The following BTC variants were observed in gnomAD, a reference collection of about 807,000 sequenced individuals.
The protein encoded by BTC is betacellulin, also known as probetacellulin.
BTC carries 13 observed loss-of-function variants against 18.1 expected under a neutral mutation model. The observed-to-expected ratio is 0.72, with a 90% CI of 0.47 to 1.14. The LOEUF is 1.14. Ranked by LOEUF, BTC falls within the 50% of genes most tolerant of loss-of-function variation. The pLI is 0.00. For missense variants in BTC, 247 were observed against 224.2 expected, an observed-to-expected ratio of 1.10 and a Z score of -0.65; for synonymous variants, 83 against 79.4, an observed-to-expected ratio of 1.05 and a Z score of -0.24.
At chr4:74,770,026 C>T (rs757670758) in intron 2 of BTC, 32 bp downstream of exon 2, 1 of 1,538,012 alleles carries the variant, frequency 6.5e-7, no homozygotes, top group Non-Finnish European at 8.9e-7. Context: ...AATTAAAACT[C>T]AGATTTGAAT....
intron 1 of BTC, among the ~76,000 whole-genome samples, chr4:74,779,616 G>A (rs532288220): frequency 1.3e-5 from 2 of 152,228 alleles, no homozygotes; most frequent in African/African-American, 2.4e-5. Context: ...TTTCAAGGAG[G>A]ATTATCCAAG....
intron 1 of BTC, among the ~76,000 whole-genome samples, chr4:74,784,607 C>G (rs1270395864): frequency 1.3e-5 from 2 of 152,092 alleles, no homozygotes; most frequent in Non-Finnish European, 2.9e-5. Context: ...CTTTCAATAC[C>G]TAGTTTATTG....
At chr4:74,776,205 A>G (rs1046682904) in intron 1 of BTC, among the ~76,000 whole-genome samples, 1 of 151,586 alleles carries the variant, frequency 6.6e-6, no homozygotes, top group African/African-American at 2.4e-5. Flanking sequence ...TAGTTTTTAC[A>G]CTTTTTCCTT....
chr4:74,764,191 A>G (rs1724838250), intron 2 of BTC, among the ~76,000 whole-genome samples: 1 of 152,136 alleles, frequency 6.6e-6, no homozygotes, highest in Non-Finnish European at 1.5e-5. Flanking sequence ...TGTAAAAGCT[A>G]AAAATTATGC....
At chr4:74,782,259 C>T (rs945444902) in intron 1 of BTC, among the ~76,000 whole-genome samples, 2 of 152,140 alleles carry the variant, frequency 1.3e-5, no homozygotes, top group Admixed American at 1.3e-4. Context: ...CTGATGCTCT[C>T]CCTATCCCCC....
rs1553956052 is a variant in BTC at position 74,750,704 on chromosome 4, G to GTAGCCTTCATCACAGCTATAAAACAAGA, written c.282-13_296dup (p.Ile100LeufsTer4). The GTAGCCTTCATCACAGCTATAAAACAAGA allele has an allele frequency of 6.2e-7, 1 of 1,613,566 alleles. No individual in the cohort carries two copies. The highest frequency in any genetic ancestry group is 2.2e-5 in the East Asian group (1 of 44,824). ...CAACTCTCTCACACCTTGCTCCAAT[G>GTAGCCTTCATCACAGCTATAAAACAAGA]TAGCCTTCATCACAGCTATAAAACA... On this transcript the variant is annotated stop_gained and frameshift_variant, in exon 4 of 6. Coordinates refer to ENST00000395743, the MANE Select transcript of BTC (RefSeq NM_001729.4). LOFTEE classifies it high-confidence loss of function.
chr4:74,746,811 T>C (rs1356070226), intron 5 of BTC, 136 bp from the exon 6 acceptor site: 2 of 152,224 alleles, frequency 1.3e-5, no homozygotes, highest in Non-Finnish European at 2.9e-5. Context: ...TAGGAGCACA[T>C]ATAATTTCTC....
rs116003459 is a variant in BTC, at chr4:74,789,515, T to C, written c.64+4747A>G. On this transcript the variant is annotated intron_variant, in intron 1 of 5. Transcript: ENST00000395743. ...AAAATAATTCTGTGTCTCTAAATGA[T>C]AGTTATCTTTATTAACATTCTATAG... is the stretch of plus-strand genomic sequence containing the variant. 3.4e-3 allele frequency among the ~76,000 whole-genome samples: 520 copies of C among 152,338 alleles called. 1 individual carries two copies. The highest frequency in any genetic ancestry group is 0.012 in the African/African-American group (493 of 41,588).
intron 3 of BTC, among the ~76,000 whole-genome samples, chr4:74,753,222 G>A (rs1270810282): frequency 6.6e-6 from 1 of 152,104 alleles, no homozygotes; most frequent in Non-Finnish European, 1.5e-5. Context: ...ATCCTTAAGG[G>A]CAATGCAAAA....
chr4:74,786,967 A>T (rs1025160587), intron 1 of BTC, among the ~76,000 whole-genome samples: 14 of 144,666 alleles, frequency 9.7e-5, no homozygotes, highest in South Asian at 2.2e-4. Context: ...AAGAAATACA[A>T]TTTTTTTTTT....
intron 2 of BTC, among the ~76,000 whole-genome samples, chr4:74,766,901 C>T (rs1724915748): frequency 6.6e-6 from 1 of 151,878 alleles, no homozygotes; most frequent in South Asian, 2.1e-4. Context: ...TTTTAACAAA[C>T]TAGTAATAGA....
At position 74,745,006 on chromosome 4, in the gene BTC, A is replaced by G. The variant is rs1440803453; in HGVS notation, c.*1671T>C. On this transcript the variant is annotated 3_prime_UTR_variant, in exon 6 of 6. Transcript: ENST00000395743. ...CAGTCCAGGAAAAAAGAAACATTAAAGCATTGTTTTGTGTTTTTAAAAGCT... is the reference window on the plus strand; with the variant it reads ...CAGTCCAGGAAAAAAGAAACATTAAGGCATTGTTTTGTGTTTTTAAAAGCT... The G allele has an allele frequency of 6.6e-6, 1 of 152,200 alleles. No homozygotes were observed. The highest frequency in any genetic ancestry group is 1.5e-5 in the Non-Finnish European group (1 of 68,028). 9.4% of individuals were successfully genotyped at this position (152,200 alleles called of 1,614,324 possible).
At chr4:74,786,995 G>A (rs1392863065) in intron 1 of BTC, among the ~76,000 whole-genome samples, 2 of 148,056 alleles carry the variant, frequency 1.4e-5, no homozygotes, top group Non-Finnish European at 3.0e-5. Flanking sequence ...TTAACCTGTT[G>A]TTATTTTACT....
intron 1 of BTC, among the ~76,000 whole-genome samples, chr4:74,793,000 A>G (rs1484235609): frequency 1.3e-5 from 2 of 152,182 alleles, no homozygotes; most frequent in Non-Finnish European, 1.5e-5. Flanking sequence ...CTTGCTGACT[A>G]CGACAGATTC....
intron 1 of BTC, among the ~76,000 whole-genome samples, chr4:74,780,984 T>C (rs1005253227): frequency 4.6e-5 from 7 of 151,936 alleles, no homozygotes; most frequent in African/African-American, 1.7e-4. Context: ...TGAAATTCTA[T>C]CTTTCAACCT....
At chr4:74,761,740 C>T (rs1220053179) in intron 2 of BTC, among the ~76,000 whole-genome samples, 1 of 152,194 alleles carries the variant, frequency 6.6e-6, no homozygotes, top group African/African-American at 2.4e-5. Context: ...ACGATCTCCA[C>T]TACCCTGGTC....
intron 2 of BTC, among the ~76,000 whole-genome samples, chr4:74,756,713 T>G (rs1179823643): frequency 1.3e-5 from 2 of 152,210 alleles, no homozygotes; most frequent in African/African-American, 4.8e-5. Flanking sequence ...ATTGTGTCTC[T>G]CATTTGGCCC....
chr4:74,784,019 G>T (rs2109916194), intron 1 of BTC, among the ~76,000 whole-genome samples: 1 of 152,018 alleles, frequency 6.6e-6, no homozygotes, highest in South Asian at 2.1e-4. Context: ...GATCACTTGA[G>T]GTCAGGAGTT....
At chr4:74,748,170 A>T (rs1553955669) in intron 4 of BTC, 21 bp from the exon 5 acceptor site, 1 of 1,437,862 alleles carries the variant, frequency 7.0e-7, no homozygotes. Context: ...ACGTGTTAGA[A>T]GTTAGTATGG....
Sources: allele counts gnomAD v4.1 joint callset (sites outside exome capture counted in the v4.1 genomes callset), GRCh38; gene constraint gnomAD v4.1.1; transcripts MANE v1.5; gene names NCBI Gene and HGNC (gene_info 2026-07-23, HGNC 2026-07-21).